The following ROBO2 variants were observed in gnomAD, a reference collection of about 807,000 sequenced individuals.
ROBO2 encodes roundabout guidance receptor 2.
In ROBO2, 53 loss-of-function variants were observed where a neutral mutation model predicts 160.8. The observed-to-expected ratio is 0.33, with a 90% CI of 0.26 to 0.41. The LOEUF (loss-of-function observed/expected upper bound fraction) is 0.41. ROBO2 is among the 10% of genes least tolerant of loss of function. The probability of loss-of-function intolerance (pLI) is 1.00; values close to 1 mark genes in which losing one functional copy is unlikely to be tolerated. For missense variants in ROBO2, 1,577 were observed against 1,722.4 expected, an observed-to-expected ratio of 0.92 and a Z score of 1.49; for synonymous variants, 664 against 611.7, an observed-to-expected ratio of 1.09 and a Z score of -1.26.
intron 2 of ROBO2, among the ~76,000 whole-genome samples, chr3:77,399,927 T>G (rs1400759129): frequency 6.6e-6 from 1 of 152,150 alleles, no homozygotes; most frequent in Non-Finnish European, 1.5e-5. Flanking sequence ...CTTGACACTA[T>G]GATGCAGGTT....
intron 2 of ROBO2, among the ~76,000 whole-genome samples, chr3:76,525,444 C>A (rs1577894285): frequency 1.3e-5 from 2 of 151,752 alleles, no homozygotes; most frequent in African/African-American, 4.8e-5. Context: ...AAGTGGGTTA[C>A]CTTAGGCTTA....
At chr3:76,639,769 AC>A (rs2090552673) in intron 2 of ROBO2, among the ~76,000 whole-genome samples, 1 of 152,184 alleles carries the variant, frequency 6.6e-6, no homozygotes. Context: ...CTAAAAGGTA[AC>A]TTTTTGTCCA....
chr3:76,625,525 G>A (rs1294099016), intron 2 of ROBO2, among the ~76,000 whole-genome samples: 1 of 149,578 alleles, frequency 6.7e-6, no homozygotes, highest in Non-Finnish European at 1.5e-5. Flanking sequence ...CGTGCAGCAG[G>A]AAAAAAAAAA....
At chr3:77,463,698 AG>A (rs1195144169) in intron 2 of ROBO2, among the ~76,000 whole-genome samples, 1 of 151,916 alleles carries the variant, frequency 6.6e-6, no homozygotes, top group Non-Finnish European at 1.5e-5. Flanking sequence ...CTCCCACCTC[AG>A]CCTCCAAAGT....
At chr3:76,593,911 T>C (rs892134127) in intron 2 of ROBO2, among the ~76,000 whole-genome samples, 1 of 152,026 alleles carries the variant, frequency 6.6e-6, no homozygotes, top group Non-Finnish European at 1.5e-5. Flanking sequence ...ATCTCAGTGA[T>C]GAAACTTCTT....
chr3:75,963,329 G>C (rs903176768), intron 2 of ROBO2, among the ~76,000 whole-genome samples: 1 of 151,618 alleles, frequency 6.6e-6, no homozygotes, highest in African/African-American at 2.4e-5. Flanking sequence ...TAGAACTACA[G>C]GTGTGTGCCA....
At chr3:77,047,620 T>A (rs2149668105) in intron 1 of ROBO2, among the ~76,000 whole-genome samples, 1 of 150,476 alleles carries the variant, frequency 6.6e-6, no homozygotes, top group African/African-American at 2.4e-5. Context: ...ACCCAGGAGG[T>A]GGAGGTTGCA....
chr3:76,540,716 G>A (rs1412511765), intron 2 of ROBO2, among the ~76,000 whole-genome samples: 2 of 151,994 alleles, frequency 1.3e-5, no homozygotes, highest in Non-Finnish European at 2.9e-5. Flanking sequence ...CACAAACAAA[G>A]GACCATTGGC....
chr3:77,004,566 C>T (rs1392155241), intron 2 of ROBO2, among the ~76,000 whole-genome samples: 1 of 152,148 alleles, frequency 6.6e-6, no homozygotes, highest in African/African-American at 2.4e-5. Context: ...CAATCTAAAC[C>T]AAATGTCTAA....
At chr3:77,170,505 C>T (rs1313879368) in intron 2 of ROBO2, among the ~76,000 whole-genome samples, 1 of 151,988 alleles carries the variant, frequency 6.6e-6, no homozygotes, top group African/African-American at 2.4e-5. Flanking sequence ...TAGACTGTTA[C>T]CTTTTCCAAT....
chr3:76,867,035 A>G (rs1260835779), intron 2 of ROBO2, among the ~76,000 whole-genome samples: 2 of 152,168 alleles, frequency 1.3e-5, no homozygotes, highest in Non-Finnish European at 2.9e-5. Flanking sequence ...TTTTAACTCA[A>G]AAGCATGACC....
chr3:76,824,090 A>G (rs1156580759), intron 2 of ROBO2, among the ~76,000 whole-genome samples: 1 of 152,168 alleles, frequency 6.6e-6, no homozygotes, highest in Non-Finnish European at 1.5e-5. Flanking sequence ...TGTCTTCTGC[A>G]TGGTCAAAGC....
At chr3:75,909,004 T>G (rs1443421651) in intron 1 of ROBO2, among the ~76,000 whole-genome samples, 2 of 152,218 alleles carry the variant, frequency 1.3e-5, no homozygotes, top group Admixed American at 1.3e-4. Flanking sequence ...GTCTTTCAGA[T>G]TCCGTGGCAA....
intron 2 of ROBO2, among the ~76,000 whole-genome samples, chr3:76,822,858 T>G (rs143775887): frequency 5.9e-5 from 9 of 152,222 alleles, no homozygotes; most frequent in African/African-American, 2.2e-4. Context: ...TATTTCTATA[T>G]AATTCTTTTC....
intron 2 of ROBO2, among the ~76,000 whole-genome samples, chr3:75,953,653 G>C (rs1423888161): frequency 6.6e-6 from 1 of 151,776 alleles, no homozygotes; most frequent in Admixed American, 6.6e-5. Flanking sequence ...TTAATATTCA[G>C]GCAGGGTGTA....
At chr3:76,935,816 A>G (rs530728499) in intron 2 of ROBO2, among the ~76,000 whole-genome samples, 21 of 152,170 alleles carry the variant, frequency 1.4e-4, no homozygotes, top group Non-Finnish European at 2.8e-4. Context: ...CACCTGGTAG[A>G]AAAGGGAGAA....
chr3:76,014,092 A>G (rs1273469811), intron 2 of ROBO2, among the ~76,000 whole-genome samples: 1 of 148,134 alleles, frequency 6.8e-6, no homozygotes, highest in Admixed American at 6.8e-5. Flanking sequence ...CAGAAGTAAT[A>G]TGTATAAAGG....
chr3:76,007,646 T>G (rs2066061685), intron 2 of ROBO2, among the ~76,000 whole-genome samples: 1 of 152,190 alleles, frequency 6.6e-6, no homozygotes, highest in Admixed American at 6.5e-5. Flanking sequence ...TATTGGAAAT[T>G]ATGACAAGTG....
At chr3:76,576,663 TTTTG>T (rs1165610210) in intron 2 of ROBO2, among the ~76,000 whole-genome samples, 7 of 150,816 alleles carry the variant, frequency 4.6e-5, no homozygotes, top group Admixed American at 1.3e-4. Flanking sequence ...ACCCTTTGTG[TTTTG>T]TTTATTATTT....
Sources: gnomAD v4.1 joint callset for allele counts (sites outside exome capture counted in the v4.1 genomes callset) on GRCh38, gnomAD v4.1.1 for gene constraint, MANE v1.5 for transcripts, NCBI Gene and HGNC (gene_info 2026-07-23, HGNC 2026-07-21) for gene names.